Variants in MICAL2 observed in about 807,000 individuals in gnomAD.
The protein encoded by MICAL2 is microtubule associated monooxygenase, calponin and LIM domain containing 2, also known as [F-actin]-monooxygenase MICAL2.
MICAL2 carries 77 observed loss-of-function variants against 127.3 expected under a neutral mutation model. The ratio of observed to expected loss-of-function variants is 0.60; its 90% CI spans 0.50 to 0.73. The LOEUF is 0.73. MICAL2 is among the 30% of genes least tolerant of loss of function. The pLI is 0.00. For missense variants in MICAL2, 1,351 were observed against 1,434.4 expected (o/e 0.94, Z 0.94); for synonymous variants, 570 against 551.1 (o/e 1.03, Z -0.48).
chr11:12,220,161 A>G, intron 8 of MICAL2, 40 bp from the exon 9 acceptor site: 4 of 1,611,312 alleles, frequency 2.5e-6, no homozygotes, highest in Non-Finnish European at 3.4e-6. Context: ...CTAGCCCTTT[A>G]GAGGGGGAGG....
Position 12,345,958 on chromosome 11 carries a change from G to C in MICAL2, c.5516-3880G>C, listed in dbSNP as rs116947506. 3.3e-4 allele frequency among the ~76,000 whole-genome samples: 51 copies of C among 152,314 alleles called. 1 individual carries two copies. In the East Asian group the frequency reaches 9.1e-3, roughly 27 times the overall value. The stretch of plus-strand genomic sequence containing the variant: ...GCGCTGTGAAAAGAGCAAACTTAGT[G>C]AATTGTGAGACGTGTCCTCAAATAT... On this transcript the variant is annotated intron_variant, in intron 32 of 34. Transcript: ENST00000646065.
upstream of MICAL2, among the ~76,000 whole-genome samples, chr11:12,275,264 T>A (rs1403608323): frequency 2.6e-5 from 4 of 152,180 alleles, no homozygotes; most frequent in Non-Finnish European, 5.9e-5. Context: ...GTTAGACACG[T>A]AGACGGAGAT....
chr11:12,138,668 T>C (rs1463533282), intron 2 of MICAL2, among the ~76,000 whole-genome samples: 1 of 152,178 alleles, frequency 6.6e-6, no homozygotes, highest in Non-Finnish European at 1.5e-5. Flanking sequence ...TTAGGGTTTG[T>C]TCACCTGCTT....
intron 1 of MICAL2, among the ~76,000 whole-genome samples, chr11:12,116,452 C>T (rs1016649803): frequency 2.0e-5 from 3 of 150,720 alleles, no homozygotes; most frequent in African/African-American, 7.3e-5. Context: ...CAAAGTTCCA[C>T]GCTCCAGTGG....
At chr11:12,269,901 G>A (rs1344147139) in intron 24 of MICAL2, among the ~76,000 whole-genome samples, 1 of 152,214 alleles carries the variant, frequency 6.6e-6, no homozygotes, top group Non-Finnish European at 1.5e-5. Context: ...CCATGCCCCA[G>A]GGCAGAGGAG....
At chr11:12,263,920 G>C (rs562045211), downstream of MICAL2, 29 of 152,420 alleles carry the variant, frequency 1.9e-4, no homozygotes, top group African/African-American at 7.0e-4. Flanking sequence ...CTGGGGCTGC[G>C]CTGGGCACTC....
At chr11:12,145,960 A>C (rs1052047330) in intron 2 of MICAL2, among the ~76,000 whole-genome samples, 5 of 152,254 alleles carry the variant, frequency 3.3e-5, no homozygotes, top group Non-Finnish European at 7.3e-5. Flanking sequence ...TCAGGAAATT[A>C]ATCCTGAAAT....
intron 1 of MICAL2, among the ~76,000 whole-genome samples, chr11:12,116,067 G>T (rs940236388): frequency 6.7e-6 from 1 of 148,348 alleles, no homozygotes; most frequent in Admixed American, 6.9e-5. Flanking sequence ...TGCAAGCTCT[G>T]CCAGGTTCAT....
At chr11:12,112,750 A>G (rs1174093537) in intron 1 of MICAL2, among the ~76,000 whole-genome samples, 2 of 152,052 alleles carry the variant, frequency 1.3e-5, no homozygotes. Context: ...TATTTTCATG[A>G]TGTCATGAAA....
chr11:12,199,276 A>G (rs1333215947), intron 3 of MICAL2, among the ~76,000 whole-genome samples: 2 of 152,140 alleles, frequency 1.3e-5, no homozygotes, highest in African/African-American at 4.8e-5. Context: ...CACAAAGCAA[A>G]TAGGACAGTG....
At chr11:12,348,449 T>C (rs188600958) in intron 32 of MICAL2, among the ~76,000 whole-genome samples, 136 of 152,306 alleles carry the variant, frequency 8.9e-4, no homozygotes, top group African/African-American at 3.2e-3. Flanking sequence ...ACTTGAGCAC[T>C]CATGGATTTT....
chr11:12,333,534 T>C (rs528059103), intron 32 of MICAL2, among the ~76,000 whole-genome samples: 1 of 152,172 alleles, frequency 6.6e-6, no homozygotes, highest in Non-Finnish European at 1.5e-5. Context: ...CCAACCAGTG[T>C]GGTAAGACAA....
intron 1 of MICAL2, among the ~76,000 whole-genome samples, chr11:12,279,925 G>A (rs1015099026): frequency 9.9e-5 from 15 of 152,236 alleles, no homozygotes; most frequent in South Asian, 4.1e-4. Flanking sequence ...ATAGACACAG[G>A]TGGACGAGTG....
intron 3 of MICAL2, among the ~76,000 whole-genome samples, chr11:12,196,799 TTC>T (rs1859995007): frequency 6.6e-6 from 1 of 152,070 alleles, no homozygotes; most frequent in Admixed American, 6.5e-5. Flanking sequence ...GGCTCTTTCT[TTC>T]TCTTTCTCTC....
In MICAL2 at chr11:12,229,392, G is replaced by A. The variant is rs16910824; in HGVS notation, c.1995+2261G>A. 7.8e-3 allele frequency among the ~76,000 whole-genome samples: 1,194 copies of A among 152,302 alleles called. 21 individuals are homozygous for A. Among genetic ancestry groups the A allele is most frequent in the African/African-American group, 0.028 (1,146 of 41,548 alleles). On this transcript the variant is annotated intron_variant, in intron 15 of 27. Coordinates refer to ENST00000683283, the MANE Select transcript of MICAL2 (RefSeq NM_001282663.2). Reference sequence around the variant, plus strand: ...GCTCTGTGTGAGGGCTGCATTGTCCGCCATGTTCCCACTGAGTAAATGGGG... The same window carrying A: ...GCTCTGTGTGAGGGCTGCATTGTCCACCATGTTCCCACTGAGTAAATGGGG...
chr11:12,299,745 A>T (rs563050878), intron 29 of MICAL2, among the ~76,000 whole-genome samples: 1 of 152,216 alleles, frequency 6.6e-6, no homozygotes, highest in South Asian at 2.1e-4. Context: ...TGCAAAATGC[A>T]CATTTGTGTA....
At chr11:12,197,209 T>C (rs1196237510) in intron 3 of MICAL2, among the ~76,000 whole-genome samples, 1 of 152,226 alleles carries the variant, frequency 6.6e-6, no homozygotes, top group Non-Finnish European at 1.5e-5. Flanking sequence ...GAAGGATTAA[T>C]ATAGGATTGG....
chr11:12,261,710 A>T, intron 26 of MICAL2: 1 of 985,402 alleles, frequency 1.0e-6, no homozygotes, highest in Non-Finnish European at 1.2e-6. Context: ...GCATTTCTAC[A>T]AACACTTCCC....
At chr11:12,296,680 A>G (rs1197220939), downstream of MICAL2, among the ~76,000 whole-genome samples, 1 of 151,894 alleles carries the variant, frequency 6.6e-6, no homozygotes, top group African/African-American at 2.4e-5. Context: ...TGAGCAATCC[A>G]GGTCCTATCC....
Sources: allele counts gnomAD v4.1 joint callset (sites outside exome capture counted in the v4.1 genomes callset), GRCh38; gene constraint gnomAD v4.1.1; transcripts MANE v1.5; gene names NCBI Gene and HGNC (gene_info 2026-07-23, HGNC 2026-07-21).